Variants in NDEL1 observed in about 807,000 individuals in gnomAD.
NDEL1 encodes the protein nudE neurodevelopment protein 1 like 1, also known as nuclear distribution protein nudE-like 1.
A neutral mutation model predicts 45.7 loss-of-function variants in NDEL1; 9 were observed. That is an observed-to-expected ratio of 0.20 (90% CI 0.12 to 0.34). NDEL1 has a LOEUF of 0.34. Ranked by LOEUF, NDEL1 falls within the 10% of genes least tolerant of loss-of-function variation. The pLI, the probability that NDEL1 is intolerant of heterozygous loss-of-function variation, is 1.00. For missense variants in NDEL1, 306 were observed against 406.2 expected, an observed-to-expected ratio of 0.75 and a Z score of 2.12; for synonymous variants, 133 against 158.6, an observed-to-expected ratio of 0.84 and a Z score of 1.21.
rs74459693 is a variant in NDEL1, at chr17:8,454,577, C to T, written c.701-219C>T. On this transcript the variant is annotated intron_variant, in intron 6 of 8. Transcript: ENST00000334527. The stretch of plus-strand genomic sequence containing the variant: ...TGTCTAGATGTTTAAGAGTATATGT[C>T]CTTGTAGCATTACTTATAATGGCGA... Among the ~76,000 whole-genome samples, 1,366 of 152,202 alleles carry T rather than the reference C, an allele frequency of 9.0e-3. 18 individuals are homozygous for T. Among genetic ancestry groups the T allele is most frequent in the African/African-American group, 0.031 (1,296 of 41,518 alleles).
intron 6 of NDEL1, 60 bp downstream of exon 6, chr17:8,451,013 TTGC>T: frequency 6.7e-7 from 1 of 1,503,246 alleles, no homozygotes; most frequent in South Asian, 1.3e-5. Flanking sequence ...CGGGGGTTTG[TTGC>T]TGAAGGCGGT....
intron 4 of NDEL1, among the ~76,000 whole-genome samples, chr17:8,447,295 A>C (rs1485662810): frequency 6.6e-6 from 1 of 152,172 alleles, no homozygotes; most frequent in African/African-American, 2.4e-5. Context: ...GGCATGTGCC[A>C]CCACACCCAG....
At chr17:8,414,073 A>G (rs80308404) in intron 1 of NDEL1, among the ~76,000 whole-genome samples, 5 of 152,216 alleles carry the variant, frequency 3.3e-5, no homozygotes, top group Non-Finnish European at 7.4e-5. Context: ...TTCACTTAAT[A>G]GTATCTCTTG....
intron 7 of NDEL1, among the ~76,000 whole-genome samples, chr17:8,456,769 G>T (rs2151732450): frequency 6.6e-6 from 1 of 152,272 alleles, no homozygotes; most frequent in South Asian, 2.1e-4. Flanking sequence ...AAAGTGCTGG[G>T]ATTACAGGCA....
intron 1 of NDEL1, among the ~76,000 whole-genome samples, chr17:8,430,702 G>A (rs1291738386): frequency 6.6e-6 from 1 of 152,172 alleles, no homozygotes; most frequent in Admixed American, 6.5e-5. Context: ...CCTTCCTAAT[G>A]ATTTATAAAG....
intron 8 of NDEL1, chr17:8,463,390 T>G (rs754433014): frequency 1.2e-6 from 2 of 1,600,692 alleles, no homozygotes; most frequent in East Asian, 4.5e-5. Context: ...TTTTTCATTC[T>G]TTCTTAATCC....
chr17:8,421,315 AT>A (rs1908699815), intron 1 of NDEL1, among the ~76,000 whole-genome samples: 1 of 152,208 alleles, frequency 6.6e-6, no homozygotes, highest in Non-Finnish European at 1.5e-5. Context: ...GTTACCTTAT[AT>A]GGCAAAAGGG....
At chr17:8,417,824 G>T (rs560645003) in intron 1 of NDEL1, among the ~76,000 whole-genome samples, 1 of 152,192 alleles carries the variant, frequency 6.6e-6, no homozygotes, top group African/African-American at 2.4e-5. Context: ...AGTCTCCCCA[G>T]ATCTGGAGCT....
upstream of NDEL1, chr17:8,435,703 G>A (rs1319248493): frequency 6.0e-6 from 2 of 332,436 alleles, no homozygotes; most frequent in South Asian, 4.2e-5. Context: ...GAGTCCAGGA[G>A]CGCCTGCGCA....
chr17:8,473,332 G>A (rs1231696977), intron 3 of NDEL1, among the ~76,000 whole-genome samples: 3 of 152,006 alleles, frequency 2.0e-5, no homozygotes, highest in Non-Finnish European at 4.4e-5. Flanking sequence ...GACTACAGGT[G>A]TGCACCACCA....
At chr17:8,433,128 T>C (rs1239044112), upstream of NDEL1, among the ~76,000 whole-genome samples, 5 of 151,936 alleles carry the variant, frequency 3.3e-5, no homozygotes, top group Admixed American at 2.0e-4. Context: ...AGGATCTTGA[T>C]CCCACTTGTT....
At chr17:8,471,513 G>A (rs1911832353), downstream of NDEL1, among the ~76,000 whole-genome samples, 1 of 152,214 alleles carries the variant, frequency 6.6e-6, no homozygotes, top group Non-Finnish European at 1.5e-5. Flanking sequence ...TCTGCATGGG[G>A]ATCTGTGAGA....
chr17:8,446,606 A>ATGTG, intron 3 of NDEL1, 148 bp from the exon 4 acceptor site: 2 of 677,218 alleles, frequency 3.0e-6, no homozygotes, highest in Non-Finnish European at 4.6e-6. Flanking sequence ...CTTAGAATGA[A>ATGTG]TGTGTCATTT....
intron 1 of NDEL1, among the ~76,000 whole-genome samples, chr17:8,424,740 G>A (rs1976347): frequency 0.71 from 107,687 of 152,100 alleles, 38,786 homozygotes; most frequent in Middle Eastern, 0.8. Flanking sequence ...TCCTGACCTC[G>A]TGATCCACCC....
At chr17:8,457,111 T>C (rs1337085174) in intron 7 of NDEL1, among the ~76,000 whole-genome samples, 1 of 152,248 alleles carries the variant, frequency 6.6e-6, no homozygotes, top group Admixed American at 6.5e-5. Flanking sequence ...TTTCGTATTG[T>C]AGCTGACTGT....
chr17:8,451,785 T>G (rs1459177692), intron 6 of NDEL1, among the ~76,000 whole-genome samples: 3 of 152,202 alleles, frequency 2.0e-5, no homozygotes, highest in African/African-American at 7.2e-5. Flanking sequence ...TGCTTTTTTT[T>G]TCCACCCTAT....
chr17:8,438,569 G>A (rs1484412015), intron 1 of NDEL1, among the ~76,000 whole-genome samples: 3 of 152,106 alleles, frequency 2.0e-5, no homozygotes, highest in Non-Finnish European at 4.4e-5. Context: ...AGGCTGGAGT[G>A]CAGTGGAGTG....
At chr17:8,463,791 C>T (rs1182271066) in intron 8 of NDEL1, among the ~76,000 whole-genome samples, 3 of 152,220 alleles carry the variant, frequency 2.0e-5, no homozygotes, top group Admixed American at 2.0e-4. Flanking sequence ...TCTGCGCTCA[C>T]GCATGGAGTC....
At chr17:8,428,848 T>C (rs1161301856) in intron 1 of NDEL1, among the ~76,000 whole-genome samples, 1 of 151,656 alleles carries the variant, frequency 6.6e-6, no homozygotes, top group Non-Finnish European at 1.5e-5. Context: ...TAATTTTTTG[T>C]ATTTTTAGTA....
Sources: allele counts gnomAD v4.1 joint callset (sites outside exome capture counted in the v4.1 genomes callset), GRCh38; gene constraint gnomAD v4.1.1; transcripts MANE v1.5; gene names NCBI Gene and HGNC (gene_info 2026-07-23, HGNC 2026-07-21).